The following PRDM5 variants were observed in gnomAD, a reference collection of about 807,000 sequenced individuals.
The protein encoded by PRDM5 is PR/SET domain 5, also known as PR domain zinc finger protein 5.
A neutral mutation model predicts 81.2 loss-of-function variants in PRDM5; 56 were observed. The ratio of observed to expected loss-of-function variants is 0.69; its 90% CI spans 0.56 to 0.86. The LOEUF is 0.86. Ranked by LOEUF, PRDM5 falls within the 40% of genes least tolerant of loss-of-function variation. The pLI, the probability that PRDM5 is intolerant of heterozygous loss-of-function variation, is 0.00. For missense variants in PRDM5, 697 were observed against 770.1 expected, an observed-to-expected ratio of 0.91 and a Z score of 1.12; for synonymous variants, 267 against 256.4, an observed-to-expected ratio of 1.04 and a Z score of -0.39.
chr4:120,884,906 G>A (rs1158379086), intron 2 of PRDM5, among the ~76,000 whole-genome samples: 4 of 152,022 alleles, frequency 2.6e-5, no homozygotes, highest in East Asian at 3.9e-4. Flanking sequence ...GCTCATGCCT[G>A]TAATCCCAGC....
At chr4:120,819,537 T>A (rs1348486683) in intron 4 of PRDM5, among the ~76,000 whole-genome samples, 2 of 151,918 alleles carry the variant, frequency 1.3e-5, no homozygotes, top group Middle Eastern at 3.2e-3. Context: ...AAAATAAAAT[T>A]TTAAAAAAAC....
intron 5 of PRDM5, 93 bp downstream of exon 5, chr4:120,818,256 GCACA>G (rs36062004): frequency 3.0e-5 from 36 of 1,197,954 alleles, no homozygotes; most frequent in South Asian, 6.7e-5. Context: ...GTGCGCGCGT[GCACA>G]CACACACACA....
intron 14 of PRDM5, among the ~76,000 whole-genome samples, chr4:120,730,549 G>T (rs1302523921): frequency 6.6e-6 from 1 of 152,072 alleles, no homozygotes; most frequent in Non-Finnish European, 1.5e-5. Context: ...AGAACAAGAT[G>T]AACATAAATT....
chr4:120,885,122 A>AAG (rs993278529), intron 2 of PRDM5, among the ~76,000 whole-genome samples: 5 of 145,392 alleles, frequency 3.4e-5, no homozygotes, highest in Non-Finnish European at 6.0e-5. Context: ...GCGACAGAGC[A>AAG]AGACTCCGTA....
intron 13 of PRDM5, among the ~76,000 whole-genome samples, chr4:120,763,846 C>A: frequency 6.6e-6 from 1 of 150,918 alleles, no homozygotes; most frequent in African/African-American, 2.4e-5. Context: ...ATAGTGCCAG[C>A]AAGGAAGTAT....
chr4:120,811,901 AT>A (rs1753891123), intron 7 of PRDM5, among the ~76,000 whole-genome samples: 1 of 151,990 alleles, frequency 6.6e-6, no homozygotes, highest in African/African-American at 2.4e-5. Flanking sequence ...CTATTCTTTT[AT>A]TTTTAAATAT....
chr4:120,783,398 CAT>C (rs1749320434), intron 11 of PRDM5, among the ~76,000 whole-genome samples: 1 of 152,078 alleles, frequency 6.6e-6, no homozygotes, highest in African/African-American at 2.4e-5. Flanking sequence ...ACAGTCTACA[CAT>C]AGTCACTTTA....
At chr4:120,815,551 C>T (rs542722372) in intron 7 of PRDM5, among the ~76,000 whole-genome samples, 9 of 152,302 alleles carry the variant, frequency 5.9e-5, no homozygotes, top group Middle Eastern at 6.8e-3. Flanking sequence ...TGAACAAATA[C>T]AGGATACAGA....
intron 3 of PRDM5, among the ~76,000 whole-genome samples, chr4:120,831,709 A>G (rs1012860028): frequency 6.6e-6 from 1 of 152,138 alleles, no homozygotes; most frequent in Non-Finnish European, 1.5e-5. Flanking sequence ...AAAACTGGAT[A>G]TTGAGTGGTT....
chr4:120,905,278 T>TG (rs1397448308), intron 2 of PRDM5, among the ~76,000 whole-genome samples: 4 of 152,172 alleles, frequency 2.6e-5, no homozygotes, highest in African/African-American at 9.7e-5. Flanking sequence ...ACAATACGGG[T>TG]GATGCTTAAA....
chr4:120,742,895 C>T (rs915635011), intron 14 of PRDM5, among the ~76,000 whole-genome samples: 2 of 152,120 alleles, frequency 1.3e-5, no homozygotes, highest in African/African-American at 4.8e-5. Flanking sequence ...TCTAGCAAGG[C>T]AGGCCAACGT....
chr4:120,685,546 G>A (rs1733796526), intron 1 of PRDM5, among the ~76,000 whole-genome samples: 1 of 152,096 alleles, frequency 6.6e-6, no homozygotes, highest in Admixed American at 6.6e-5. Context: ...GCTTCAGGGT[G>A]TAAGCTGGAA....
intron 14 of PRDM5, among the ~76,000 whole-genome samples, chr4:120,747,341 G>A (rs1055341172): frequency 1.3e-5 from 2 of 149,746 alleles, no homozygotes; most frequent in Non-Finnish European, 3.0e-5. Context: ...GCTAGATGAC[G>A]AGTTAGTGGG....
intron 14 of PRDM5, among the ~76,000 whole-genome samples, chr4:120,747,637 G>C (rs1339632857): frequency 6.6e-6 from 1 of 152,120 alleles, no homozygotes; most frequent in African/African-American, 2.4e-5. Context: ...AAAAGGCACA[G>C]GTCTGTTAAA....
At chr4:120,856,271 T>C (rs1007048157) in intron 2 of PRDM5, among the ~76,000 whole-genome samples, 2 of 152,242 alleles carry the variant, frequency 1.3e-5, no homozygotes, top group Non-Finnish European at 2.9e-5. Context: ...ACACACAAAT[T>C]TATGTGCTGA....
At chr4:120,709,853 A>C (rs1194308549) in intron 15 of PRDM5, among the ~76,000 whole-genome samples, 3 of 152,210 alleles carry the variant, frequency 2.0e-5, no homozygotes, top group South Asian at 4.1e-4. Flanking sequence ...ACTTAGTAAC[A>C]GCATTATTTA....
intron 2 of PRDM5, among the ~76,000 whole-genome samples, chr4:120,875,158 C>T (rs1157881649): frequency 6.6e-6 from 1 of 152,228 alleles, no homozygotes; most frequent in Non-Finnish European, 1.5e-5. Context: ...AATTTGGTGA[C>T]CTAAAGCATG....
intron 13 of PRDM5, among the ~76,000 whole-genome samples, chr4:120,773,917 C>T (rs761604461): frequency 3.3e-5 from 5 of 152,128 alleles, no homozygotes; most frequent in Non-Finnish European, 7.4e-5. Context: ...TCTTTTCACA[C>T]TAAATGATTT....
At chr4:120,721,621 G>A (rs545701553) in intron 14 of PRDM5, among the ~76,000 whole-genome samples, 97 of 152,254 alleles carry the variant, frequency 6.4e-4, no homozygotes, top group Non-Finnish European at 1.3e-3. Flanking sequence ...TTTAGAGACT[G>A]TTTTCCCATT....
Sources: allele counts gnomAD v4.1 joint callset (sites outside exome capture counted in the v4.1 genomes callset), GRCh38; gene constraint gnomAD v4.1.1; transcripts MANE v1.5; gene names NCBI Gene and HGNC (gene_info 2026-07-23, HGNC 2026-07-21).